Variants in CDH18 observed in about 807,000 individuals in gnomAD.
CDH18 encodes cadherin 18.
In CDH18, 31 loss-of-function variants were observed where a neutral mutation model predicts 67.9. The ratio of observed to expected loss-of-function variants is 0.46; its 90% CI spans 0.34 to 0.62. The LOEUF is 0.62. CDH18 is among the 20% of genes least tolerant of loss of function. The pLI is 0.01. For synonymous variants in CDH18, 362 were observed against 347.2 expected (o/e 1.04, Z -0.48); for missense variants, 890 against 975.5 (o/e 0.91, Z 1.17).
intron 2 of CDH18, among the ~76,000 whole-genome samples, chr5:19,866,456 A>T (rs1360293086): frequency 2.0e-5 from 3 of 152,310 alleles, no homozygotes; most frequent in South Asian, 2.1e-4. Flanking sequence ...ACAACTTTAC[A>T]TGCAGCTGGG....
rs554101344 is a variant in CDH18, at chr5:20,356,893, A to C, written c.-579-101388T>G. ...TACTATATATATACTCTATATATAC[A>C]TGCATGTATATATACGTGTGTATAC... On this transcript the variant is annotated intron_variant, in intron 1 of 14. Coordinates refer to the CDH18 transcript ENST00000507958. Among the ~76,000 whole-genome samples the C allele has an allele frequency of 3.2e-3, 480 of 150,144 alleles. 5 individuals carry two copies. The highest frequency in any genetic ancestry group is 0.011 in the African/African-American group (457 of 41,096).
intron 9 of CDH18, 87 bp downstream of exon 9, chr5:19,543,782 G>A: frequency 2.2e-6 from 2 of 897,582 alleles, no homozygotes; most frequent in East Asian, 5.0e-5. Context: ...CAAAAATAAA[G>A]ATTATGAGAG....
At chr5:19,595,467 T>C (rs1746025205) in intron 6 of CDH18, among the ~76,000 whole-genome samples, 1 of 152,010 alleles carries the variant, frequency 6.6e-6, no homozygotes, top group Non-Finnish European at 1.5e-5. Flanking sequence ...CTACCAAAAA[T>C]ACAAAAATTA....
At chr5:19,546,612 A>G (rs1419135372) in intron 8 of CDH18, among the ~76,000 whole-genome samples, 1 of 152,182 alleles carries the variant, frequency 6.6e-6, no homozygotes, top group East Asian at 1.9e-4. Flanking sequence ...ACTTTCTAGA[A>G]CAGAGTGTAA....
chr5:20,439,446 G>C (rs1047458789), intron 1 of CDH18, among the ~76,000 whole-genome samples: 2 of 141,616 alleles, frequency 1.4e-5, no homozygotes, highest in Non-Finnish European at 3.2e-5. Context: ...AGATACACAA[G>C]ATAAACACAC....
At chr5:19,534,207 C>G (rs1183591485) in intron 9 of CDH18, among the ~76,000 whole-genome samples, 1 of 151,840 alleles carries the variant, frequency 6.6e-6, no homozygotes, top group South Asian at 2.1e-4. Context: ...TGTCCACATG[C>G]CTTTCATTTT....
intron 5 of CDH18, among the ~76,000 whole-genome samples, chr5:19,636,362 A>T (rs1753148388): frequency 6.6e-6 from 1 of 151,714 alleles, no homozygotes; most frequent in Admixed American, 6.6e-5. Flanking sequence ...TTTAATGGTT[A>T]AAAAAAACAT....
chr5:20,424,713 C>A (rs1476598374), intron 1 of CDH18, among the ~76,000 whole-genome samples: 1 of 131,158 alleles, frequency 7.6e-6, no homozygotes, highest in Non-Finnish European at 1.5e-5. Flanking sequence ...CACCACTACA[C>A]TCCAGCCTGG....
At chr5:20,439,282 G>A (rs1749421388) in intron 1 of CDH18, among the ~76,000 whole-genome samples, 1 of 151,500 alleles carries the variant, frequency 6.6e-6, no homozygotes, top group Admixed American at 6.6e-5. Flanking sequence ...AAAAAACTAA[G>A]GTTTGCTGTG....
In CDH18 at chr5:20,258,129, T is replaced by C. The variant is rs1055967249; in HGVS notation, c.-579-2624A>G. On this transcript the variant is annotated intron_variant, in intron 1 of 14. Coordinates refer to the CDH18 transcript ENST00000507958. ...ATAACAACAGCAAAACCTAATATTA[T>C]GTGGCAGCATAATAACATAATATTA... Among the ~76,000 whole-genome samples, 5 of 152,282 alleles carry C rather than the reference T, an allele frequency of 3.3e-5. No individual in the cohort carries two copies. The East Asian group carries it at 7.7e-4, about 23-fold the overall frequency.
intron 3 of CDH18, among the ~76,000 whole-genome samples, chr5:19,776,318 AT>A (rs1223040497): frequency 2.0e-5 from 3 of 152,196 alleles, no homozygotes; most frequent in Non-Finnish European, 4.4e-5. Flanking sequence ...ACAACATTAT[AT>A]TTCAGATTTT....
At chr5:19,485,730 T>C (rs950614636) in intron 11 of CDH18, among the ~76,000 whole-genome samples, 1 of 152,150 alleles carries the variant, frequency 6.6e-6, no homozygotes. Flanking sequence ...CTTTAGTCTA[T>C]GGGAAATGTG....
intron 1 of CDH18, among the ~76,000 whole-genome samples, chr5:20,464,699 C>T (rs1408146134): frequency 6.6e-6 from 1 of 152,060 alleles, no homozygotes; most frequent in Non-Finnish European, 1.5e-5. Context: ...TATTAAAGTT[C>T]CATTCTGATC....
intron 2 of CDH18, among the ~76,000 whole-genome samples, chr5:20,048,733 G>T (rs189444330): frequency 2.0e-5 from 3 of 151,600 alleles, no homozygotes; most frequent in Admixed American, 6.6e-5. Context: ...GGTCTGGCCT[G>T]TAGATATTCA....
chr5:20,310,726 A>ATG (rs1374108687), intron 1 of CDH18, among the ~76,000 whole-genome samples: 1 of 152,220 alleles, frequency 6.6e-6, no homozygotes, highest in African/African-American at 2.4e-5. Flanking sequence ...AGTATTTGAC[A>ATG]TGCTGTGCCA....
At chr5:19,795,389 A>G (rs1178994705) in intron 3 of CDH18, among the ~76,000 whole-genome samples, 4 of 152,190 alleles carry the variant, frequency 2.6e-5, no homozygotes, top group Non-Finnish European at 5.9e-5. Flanking sequence ...GAAGTTCAGC[A>G]GTAATGGAAT....
chr5:20,077,618 G>T (rs557124184), intron 2 of CDH18, among the ~76,000 whole-genome samples: 48 of 152,046 alleles, frequency 3.2e-4, no homozygotes, highest in Admixed American at 2.6e-4. Context: ...ATTTGCTGTT[G>T]GAAAAGAAGA....
chr5:19,548,289 A>AT (rs905493923), intron 8 of CDH18, among the ~76,000 whole-genome samples: 142 of 126,910 alleles, frequency 1.1e-3, no homozygotes, highest in African/African-American at 3.6e-3. Context: ...AACCCGTGGA[A>AT]TTGGGATTTT....
intron 5 of CDH18, among the ~76,000 whole-genome samples, chr5:19,674,020 A>G (rs1365391675): frequency 1.3e-5 from 2 of 152,100 alleles, no homozygotes; most frequent in Non-Finnish European, 2.9e-5. Flanking sequence ...CACAAACTGA[A>G]TAGAAAATTG....
Sources: gnomAD v4.1 joint callset for allele counts (sites outside exome capture counted in the v4.1 genomes callset) on GRCh38, gnomAD v4.1.1 for gene constraint, MANE v1.5 for transcripts, NCBI Gene and HGNC (gene_info 2026-07-23, HGNC 2026-07-21) for gene names.